Variants in TBC1D5 observed in about 807,000 individuals in gnomAD.
TBC1D5 encodes the protein TBC1 domain family, member 5.
TBC1D5 carries 75 observed loss-of-function variants against 100.3 expected under a neutral mutation model. The observed-to-expected ratio is 0.75, with a 90% CI of 0.62 to 0.91. The LOEUF (loss-of-function observed/expected upper bound fraction) is 0.91. TBC1D5 is among the 40% of genes least tolerant of loss of function. The probability of loss-of-function intolerance (pLI) is 0.00; values close to 1 mark genes in which losing one functional copy is unlikely to be tolerated. For synonymous variants in TBC1D5, 323 were observed against 325.6 expected (o/e 0.99, Z 0.09); for missense variants, 910 against 942.4 (o/e 0.97, Z 0.45).
At chr3:17,595,794 G>C (rs1319778569) in intron 2 of TBC1D5, among the ~76,000 whole-genome samples, 1 of 152,146 alleles carries the variant, frequency 6.6e-6, no homozygotes, top group African/African-American at 2.4e-5. Flanking sequence ...TCAAGAGTCT[G>C]AGCTTTAAAA....
intron 1 of TBC1D5, among the ~76,000 whole-genome samples, chr3:17,648,681 C>T (rs569015574): frequency 6.6e-6 from 1 of 152,176 alleles, no homozygotes; most frequent in African/African-American, 2.4e-5. Context: ...CACAAACAGA[C>T]ACTTCTCAAA....
chr3:17,707,852 C>G (rs1290246314), intron 1 of TBC1D5, among the ~76,000 whole-genome samples: 1 of 152,082 alleles, frequency 6.6e-6, no homozygotes, highest in African/African-American at 2.4e-5. Flanking sequence ...GTACCAAGTA[C>G]CAGAAAAAAT....
At chr3:17,286,413 C>A (rs965463445) in intron 15 of TBC1D5, among the ~76,000 whole-genome samples, 5 of 152,102 alleles carry the variant, frequency 3.3e-5, no homozygotes, top group African/African-American at 9.7e-5. Flanking sequence ...ATGTGAGCAA[C>A]TAGCTAGAAC....
chr3:17,537,506 T>C (rs1157748664), intron 2 of TBC1D5, among the ~76,000 whole-genome samples: 6 of 152,190 alleles, frequency 3.9e-5, no homozygotes, highest in Admixed American at 2.6e-4. Context: ...GTTCTGTCAG[T>C]TGGGGGGCTC....
chr3:17,471,263 T>C (rs1169552128), intron 3 of TBC1D5, among the ~76,000 whole-genome samples: 1 of 152,192 alleles, frequency 6.6e-6, no homozygotes, highest in Non-Finnish European at 1.5e-5. Context: ...ACGTAAAGAA[T>C]TAAAACTACA....
intron 1 of TBC1D5, among the ~76,000 whole-genome samples, chr3:17,724,294 T>C (rs1160148561): frequency 6.6e-6 from 1 of 152,082 alleles, no homozygotes; most frequent in Non-Finnish European, 1.5e-5. Context: ...GGGGTCTTAC[T>C]ATGCTGTCCA....
intron 1 of TBC1D5, among the ~76,000 whole-genome samples, chr3:17,631,059 A>AAAAAAAG (rs1553888485): frequency 1.7e-4 from 23 of 133,374 alleles, no homozygotes; most frequent in African/African-American, 5.4e-4. Context: ...AAAAAAAAAA[A>AAAAAAAG]AAAGTTAGGC....
rs184914890 is a variant in TBC1D5, at chr3:17,597,127, G to A, written c.-36+26722C>T. 2.8e-3 allele frequency among the ~76,000 whole-genome samples: 429 copies of A among 152,192 alleles called. 2 individuals carry two copies. The highest frequency in any genetic ancestry group is 5.0e-3 in the Non-Finnish European group (339 of 68,002). On this transcript the variant is annotated intron_variant, in intron 2 of 21. Transcript: ENST00000253692. The stretch of plus-strand genomic sequence containing the variant: ...GCAGCTGTAGTTTTTAAATTATTGC[G>A]TAGTATTTCCTTGTATTCTTCTAAA...
intron 1 of TBC1D5, among the ~76,000 whole-genome samples, chr3:17,680,048 C>T (rs1024082905): frequency 2.0e-5 from 3 of 151,262 alleles, no homozygotes; most frequent in Non-Finnish European, 4.4e-5. Context: ...AAGAAAAAGC[C>T]TGCTAGGGTG....
At chr3:17,406,428 A>G in exon 5 of TBC1D5, 1 of 1,605,950 alleles carries the variant, frequency 6.2e-7, no homozygotes, top group Non-Finnish European at 8.5e-7. Context: ...CTTCCAGCAA[A>G]TGCTGCGGAA....
chr3:17,324,398 T>C (rs1443864202), intron 13 of TBC1D5, among the ~76,000 whole-genome samples: 1 of 152,152 alleles, frequency 6.6e-6, no homozygotes, highest in Admixed American at 6.5e-5. Flanking sequence ...TCCTAGCACT[T>C]TGGGAGGCCG....
intron 17 of TBC1D5, among the ~76,000 whole-genome samples, chr3:17,236,486 G>A (rs1406401526): frequency 2.6e-5 from 4 of 151,246 alleles, no homozygotes; most frequent in Admixed American, 1.3e-4. Flanking sequence ...AATTTTCAAC[G>A]AGATTTTTTT....
At chr3:17,608,670 TC>T (rs1300073071) in intron 2 of TBC1D5, among the ~76,000 whole-genome samples, 4 of 152,226 alleles carry the variant, frequency 2.6e-5, no homozygotes, top group African/African-American at 9.6e-5. Flanking sequence ...CATTTCTTTC[TC>T]CCTTCTCAGA....
chr3:17,721,492 G>C (rs894649275), intron 1 of TBC1D5, among the ~76,000 whole-genome samples: 1 of 151,308 alleles, frequency 6.6e-6, no homozygotes, highest in African/African-American at 2.4e-5. Flanking sequence ...TGTGTGTTGT[G>C]GCTGGCAATC....
chr3:17,499,688 C>CAA (rs368826012), intron 3 of TBC1D5, among the ~76,000 whole-genome samples: 6 of 122,526 alleles, frequency 4.9e-5, no homozygotes, highest in African/African-American at 1.3e-4. Flanking sequence ...ACACTGTCTC[C>CAA]AAAAAAAAAA....
Position 17,288,695 on chromosome 3 carries a change from T to C in TBC1D5, c.1245+3200A>G, listed in dbSNP as rs971616083. ...CTTCGGGTAGAGGACCACCCTTGCATCCCCTCTCCAGTGAGAGCTATTTCA... is the reference window on the plus strand; with the variant it reads ...CTTCGGGTAGAGGACCACCCTTGCACCCCCTCTCCAGTGAGAGCTATTTCA... On this transcript the variant is annotated intron_variant, in intron 15 of 21. Transcript: ENST00000253692. Among the ~76,000 whole-genome samples the C allele has an allele frequency of 4.6e-5, 7 of 152,092 alleles. No homozygotes were observed. In the East Asian group the frequency reaches 1.3e-3, roughly 29 times the overall value.
At chr3:17,708,824 A>G (rs1471550701) in intron 1 of TBC1D5, among the ~76,000 whole-genome samples, 3 of 152,226 alleles carry the variant, frequency 2.0e-5, no homozygotes, top group Non-Finnish European at 4.4e-5. Flanking sequence ...GGTTCCAAAC[A>G]TCCTTGCCAA....
chr3:17,695,358 C>G (rs192535847), intron 1 of TBC1D5, among the ~76,000 whole-genome samples: 33 of 152,140 alleles, frequency 2.2e-4, no homozygotes, highest in Middle Eastern at 6.8e-3. Flanking sequence ...ACCCATCTCA[C>G]GTGCAATGAC....
In TBC1D5 at chr3:17,309,919, C is replaced by T. The variant is rs142880549; in HGVS notation, c.996-1785G>A. ...CATGTAGAATGTGGTTACAGTTATT[C>T]GGCTGACACAACTTTCCTCCATCAA... On this transcript the variant is annotated intron_variant, in intron 13 of 21. Coordinates refer to ENST00000253692, the Ensembl canonical transcript of TBC1D5. 4.9e-4 allele frequency among the ~76,000 whole-genome samples: 75 copies of T among 152,152 alleles called. 1 individual carries two copies. The East Asian group carries it at 0.011, about 22-fold the overall frequency.
Sources: gnomAD v4.1 joint callset for allele counts (sites outside exome capture counted in the v4.1 genomes callset) on GRCh38, gnomAD v4.1.1 for gene constraint, MANE v1.5 for transcripts, NCBI Gene and HGNC (gene_info 2026-07-23, HGNC 2026-07-21) for gene names.